ZDHHC21: variants seen among roughly 807,000 people sequenced by gnomAD.
The protein encoded by ZDHHC21 is palmitoyltransferase ZDHHC21.
Under a neutral mutation model 34.6 loss-of-function variants are expected in ZDHHC21, and 15 were observed. The observed-to-expected ratio is 0.43, with a 90% CI of 0.29 to 0.67. The LOEUF (loss-of-function observed/expected upper bound fraction) is 0.67, where lower values mean the gene tolerates loss of function less well. Ranked by LOEUF, ZDHHC21 falls within the 30% of genes least tolerant of loss-of-function variation. The probability of loss-of-function intolerance (pLI) is 0.14; values close to 1 mark genes in which losing one functional copy is unlikely to be tolerated. For missense variants in ZDHHC21, 344 were observed against 327.7 expected (o/e 1.05, Z -0.38); for synonymous variants, 142 against 101.8 (o/e 1.40, Z -2.38).
chr9:14,672,442 T>C (rs1341054703), intron 5 of ZDHHC21, among the ~76,000 whole-genome samples: 1 of 152,074 alleles, frequency 6.6e-6, no homozygotes, highest in Non-Finnish European at 1.5e-5. Context: ...GCTAAAATTA[T>C]CTCTGTACAT....
chr9:14,677,959 C>G (rs143086913), intron 3 of ZDHHC21, among the ~76,000 whole-genome samples: 6 of 152,186 alleles, frequency 3.9e-5, no homozygotes, highest in African/African-American at 7.2e-5. Flanking sequence ...ACCAAGAAAT[C>G]TATCCGAACA....
At chr9:14,639,134 T>C (rs190990806) in intron 8 of ZDHHC21, among the ~76,000 whole-genome samples, 4 of 152,092 alleles carry the variant, frequency 2.6e-5, no homozygotes, top group Admixed American at 2.6e-4. Flanking sequence ...TGAATGAATT[T>C]TAAAAATCTG....
rs915816236 is a variant in ZDHHC21, at chr9:14,613,161, A to G, written c.*5805T>C. On this transcript the variant is annotated 3_prime_UTR_variant, in exon 10 of 10. Coordinates refer to ENST00000380916, the MANE Select transcript of ZDHHC21 (RefSeq NM_178566.6). The stretch of plus-strand genomic sequence containing the variant: ...ACCTAAAAAAAAATCCAAATGAGAA[A>G]CATTTAAAATCCATTAAATTGCCAG... The G allele has an allele frequency of 4.3e-4, 65 of 151,926 alleles. No homozygotes were observed. The highest frequency in any genetic ancestry group is 1.5e-3 in the African/African-American group (63 of 41,416). The allele number at this position is 151,926 out of a possible 1,614,324, so 9.4% of individuals were successfully genotyped here.
downstream of ZDHHC21, among the ~76,000 whole-genome samples, chr9:14,607,825 C>A (rs1431761105): frequency 6.6e-6 from 1 of 152,122 alleles, no homozygotes; most frequent in Middle Eastern, 3.2e-3. Context: ...GTGAGGATCA[C>A]TGAAGACCCT....
At chr9:14,654,481 CT>C (rs1831832189) in intron 7 of ZDHHC21, among the ~76,000 whole-genome samples, 1 of 151,700 alleles carries the variant, frequency 6.6e-6, no homozygotes, top group Non-Finnish European at 1.5e-5. Flanking sequence ...AGTATTCTAA[CT>C]TAGACATGTC....
rs555935280 is a variant in ZDHHC21 at position 14,634,738 on chromosome 9, A to G, written c.621+5158T>C. Among the ~76,000 whole-genome samples, 65 of 152,356 alleles carry G rather than the reference A, an allele frequency of 4.3e-4. 1 individual carries two copies. In the East Asian group the frequency reaches 0.012, roughly 28 times the overall value. On this transcript the variant is annotated intron_variant, in intron 8 of 9. Transcript: ENST00000380916. The stretch of plus-strand genomic sequence containing the variant: ...GCAAATTCAAAAAATTGGAAAAAAC[A>G]TCTGTTACAACAGACGCATAGATAT...
intron 1 of ZDHHC21, among the ~76,000 whole-genome samples, chr9:14,691,715 G>A (rs559045641): frequency 1.3e-5 from 2 of 152,152 alleles, no homozygotes; most frequent in African/African-American, 4.8e-5. Context: ...TCTCAGTAGT[G>A]TCAAAGGATC....
chr9:14,682,329 T>A (rs538822966), intron 2 of ZDHHC21, among the ~76,000 whole-genome samples: 193 of 151,944 alleles, frequency 1.3e-3, no homozygotes, highest in African/African-American at 4.3e-3. Context: ...AGGCTCAAAA[T>A]AAAGGGATGG....
chr9:14,688,722 C>G (rs1264101054), intron 2 of ZDHHC21, among the ~76,000 whole-genome samples: 2 of 152,108 alleles, frequency 1.3e-5, no homozygotes, highest in African/African-American at 4.8e-5. Context: ...ATTAGCCAGG[C>G]ATGATGGTGG....
At chr9:14,640,700 C>T (rs1829229867) in intron 7 of ZDHHC21, among the ~76,000 whole-genome samples, 1 of 152,002 alleles carries the variant, frequency 6.6e-6, no homozygotes, top group South Asian at 2.1e-4. Context: ...AATTCCAAAA[C>T]AATGTGATAC....
chr9:14,691,996 A>G (rs1839226275), intron 1 of ZDHHC21, among the ~76,000 whole-genome samples: 1 of 152,230 alleles, frequency 6.6e-6, no homozygotes, highest in African/African-American at 2.4e-5. Context: ...GTAAACCCAC[A>G]GCTGGATAGT....
chr9:14,599,582 C>T, the ZDHHC21 span, among the ~76,000 whole-genome samples: 1 of 151,730 alleles, frequency 6.6e-6, no homozygotes, highest in Non-Finnish European at 1.5e-5. Context: ...CCCAGTGGCG[C>T]CTGGAATGTC....
intron 7 of ZDHHC21, among the ~76,000 whole-genome samples, chr9:14,653,162 AGATGAAGTTCCT>A (rs1831559195): frequency 6.6e-6 from 1 of 152,006 alleles, no homozygotes; most frequent in Non-Finnish European, 1.5e-5. Flanking sequence ...AAGGATAATA[AGATGAAGTTCCT>A]GATACTGTCT....
the ZDHHC21 span, among the ~76,000 whole-genome samples, chr9:14,596,558 T>G: frequency 2.0e-5 from 3 of 152,210 alleles, no homozygotes; most frequent in Non-Finnish European, 2.9e-5. Flanking sequence ...GACTGAGACC[T>G]GGTACCATCT....
At chr9:14,591,305 G>A in the ZDHHC21 span, among the ~76,000 whole-genome samples, 1 of 152,044 alleles carries the variant, frequency 6.6e-6, no homozygotes, top group African/African-American at 2.4e-5. Flanking sequence ...TAGGTCATGA[G>A]GGATCTGTCC....
At chr9:14,665,579 T>C (rs1263658100) in intron 5 of ZDHHC21, among the ~76,000 whole-genome samples, 9 of 149,158 alleles carry the variant, frequency 6.0e-5, no homozygotes, top group African/African-American at 1.7e-4. Context: ...AAGGAAAAAA[T>C]GTTAAGGGCA....
At chr9:14,605,332 A>C in the ZDHHC21 span, among the ~76,000 whole-genome samples, 2 of 152,024 alleles carry the variant, frequency 1.3e-5, no homozygotes, top group Non-Finnish European at 1.5e-5. Context: ...ACAGTACATA[A>C]GGGTTCCAAT....
intron 8 of ZDHHC21, among the ~76,000 whole-genome samples, chr9:14,621,095 A>C (rs10810188): frequency 0.12 from 17,957 of 152,050 alleles, 1,470 homozygotes; most frequent in South Asian, 0.33. Context: ...GGTTTCTTAG[A>C]GTTTTGATAG....
intron 7 of ZDHHC21, among the ~76,000 whole-genome samples, chr9:14,646,835 G>T (rs986853551): frequency 4.6e-5 from 7 of 151,768 alleles, no homozygotes; most frequent in Non-Finnish European, 1.0e-4. Flanking sequence ...ATCTCCATCT[G>T]ATATATATCT....
Sources: gnomAD v4.1 joint callset for allele counts (sites outside exome capture counted in the v4.1 genomes callset) on GRCh38, gnomAD v4.1.1 for gene constraint, MANE v1.5 for transcripts, NCBI Gene and HGNC (gene_info 2026-07-23, HGNC 2026-07-21) for gene names.